Variants in GRM7 observed in about 807,000 individuals in gnomAD.
The protein encoded by GRM7 is metabotropic glutamate receptor 7.
Under a neutral mutation model 84.5 loss-of-function variants are expected in GRM7, and 35 were observed. That is an observed-to-expected ratio of 0.41 (90% CI 0.32 to 0.55). The LOEUF is 0.55. Ranked by LOEUF, GRM7 falls within the 20% of genes least tolerant of loss-of-function variation. The probability of loss-of-function intolerance (pLI) is 0.19; values close to 1 mark genes in which losing one functional copy is unlikely to be tolerated. For missense variants in GRM7, 1,003 were observed against 1,194.6 expected (o/e 0.84, Z 2.36); for synonymous variants, 487 against 455.1 (o/e 1.07, Z -0.89).
intron 2 of GRM7, among the ~76,000 whole-genome samples, chr3:7,257,184 C>G (rs1003015183): frequency 2.0e-5 from 3 of 152,084 alleles, no homozygotes; most frequent in Admixed American, 6.5e-5. Flanking sequence ...AGGTGAGGGA[C>G]CTTATAAGAA....
intron 5 of GRM7, among the ~76,000 whole-genome samples, chr3:7,442,032 G>C (rs1188688244): frequency 6.6e-6 from 1 of 151,948 alleles, no homozygotes; most frequent in Non-Finnish European, 1.5e-5. Context: ...GTAGTTGGTA[G>C]TTGGGTAGAA....
intron 1 of GRM7, among the ~76,000 whole-genome samples, chr3:7,120,117 C>T (rs1693168144): frequency 6.6e-6 from 1 of 151,992 alleles, no homozygotes; most frequent in South Asian, 2.1e-4. Context: ...AGACATTTGT[C>T]TTCAGGAGGA....
At chr3:7,068,584 T>C (rs373259378) in intron 1 of GRM7, among the ~76,000 whole-genome samples, 3 of 152,188 alleles carry the variant, frequency 2.0e-5, no homozygotes, top group African/African-American at 7.2e-5. Context: ...ACTGGAAATG[T>C]AATTTTTTGG....
At chr3:7,462,057 A>ATTCC (rs367872328) in intron 7 of GRM7, among the ~76,000 whole-genome samples, 133 of 151,904 alleles carry the variant, frequency 8.8e-4, no homozygotes, top group African/African-American at 3.0e-3. Context: ...GCCTCCCCCC[A>ATTCC]TTCCTTCCTT....
intron 1 of GRM7, among the ~76,000 whole-genome samples, chr3:7,066,341 TA>T: frequency 6.6e-6 from 1 of 151,818 alleles, no homozygotes; most frequent in East Asian, 1.9e-4. Flanking sequence ...AAACAGGAGA[TA>T]TTACAACTGA....
intron 1 of GRM7, among the ~76,000 whole-genome samples, chr3:6,904,194 C>T (rs1574995354): frequency 6.6e-6 from 1 of 152,048 alleles, no homozygotes; most frequent in Non-Finnish European, 1.5e-5. Flanking sequence ...TTATTCCTTA[C>T]TCTGAAATCA....
chr3:7,320,785 C>T (rs552724217), intron 4 of GRM7, among the ~76,000 whole-genome samples: 1 of 150,018 alleles, frequency 6.7e-6, no homozygotes, highest in African/African-American at 2.5e-5. Flanking sequence ...AATAGTAGTT[C>T]TTTTTATTGC....
At chr3:7,148,303 GATAAA>G (rs539880802) in intron 2 of GRM7, among the ~76,000 whole-genome samples, 472 of 152,282 alleles carry the variant, frequency 3.1e-3, no homozygotes, top group East Asian at 0.01. Flanking sequence ...GAATTGAATA[GATAAA>G]ATAAGATGAA....
chr3:7,640,342 G>A (rs1216277874), intron 8 of GRM7, among the ~76,000 whole-genome samples: 1 of 152,208 alleles, frequency 6.6e-6, no homozygotes, highest in Non-Finnish European at 1.5e-5. Context: ...GAAAGACAGT[G>A]CAATATCTAT....
chr3:7,612,421 CT>C (rs1353280407), intron 8 of GRM7, among the ~76,000 whole-genome samples: 1 of 152,128 alleles, frequency 6.6e-6, no homozygotes, highest in Non-Finnish European at 1.5e-5. Flanking sequence ...GAGTCCCTGC[CT>C]TTGAGGAGGA....
chr3:7,675,789 C>A (rs1198112945), intron 8 of GRM7, among the ~76,000 whole-genome samples: 3 of 152,110 alleles, frequency 2.0e-5, no homozygotes, highest in African/African-American at 7.2e-5. Flanking sequence ...GATCTAAACC[C>A]CAGAAACCTA....
At chr3:7,046,177 GTTCA>G (rs1019078493) in intron 1 of GRM7, among the ~76,000 whole-genome samples, 38 of 152,084 alleles carry the variant, frequency 2.5e-4, no homozygotes, top group African/African-American at 7.7e-4. Context: ...TGTGGGAAAT[GTTCA>G]TTCAGGTTCT....
chr3:7,656,962 T>G (rs1417606051), intron 8 of GRM7, among the ~76,000 whole-genome samples: 2 of 152,168 alleles, frequency 1.3e-5, no homozygotes, highest in African/African-American at 4.8e-5. Context: ...AACATAGTAT[T>G]TACTTTGAGT....
chr3:6,975,001 G>A (rs980359859), intron 1 of GRM7, among the ~76,000 whole-genome samples: 1 of 152,162 alleles, frequency 6.6e-6, no homozygotes, highest in Admixed American at 6.5e-5. Context: ...ATTCAGGAGA[G>A]ACTGGGCAGT....
At chr3:7,409,357 C>G (rs1188400093) in intron 4 of GRM7, among the ~76,000 whole-genome samples, 5 of 151,974 alleles carry the variant, frequency 3.3e-5, no homozygotes, top group African/African-American at 1.2e-4. Flanking sequence ...GTGAAAGCTT[C>G]AACTTTTCCT....
At chr3:7,522,194 A>G (rs1188469310) in intron 7 of GRM7, among the ~76,000 whole-genome samples, 1 of 152,182 alleles carries the variant, frequency 6.6e-6, no homozygotes. Flanking sequence ...TCATTGTAAC[A>G]TGACTGGACC....
chr3:6,896,414 G>C lies in GRM7; in HGVS notation c.519+34507G>C, dbSNP rs565752958. Among the ~76,000 whole-genome samples the C allele has an allele frequency of 2.0e-3, 303 of 152,218 alleles. 1 individual carries two copies. The highest frequency in any genetic ancestry group is 5.6e-3 in the Admixed American group (86 of 15,272). On this transcript the variant is annotated intron_variant, in intron 1 of 9. Transcript: ENST00000357716. Reference sequence around the variant, plus strand: ...CATTTGATTTTCAGGTGAAGTCTTAGGTCATTTGACTCCTGGATCACTTTC... The same window carrying C: ...CATTTGATTTTCAGGTGAAGTCTTACGTCATTTGACTCCTGGATCACTTTC...
At chr3:7,431,117 C>T (rs142718391) in intron 5 of GRM7, among the ~76,000 whole-genome samples, 9 of 152,180 alleles carry the variant, frequency 5.9e-5, no homozygotes, top group African/African-American at 1.9e-4. Context: ...GAAACTATGT[C>T]GGGCTAACTT....
Position 6,861,504 on chromosome 3 carries a change from C to T in GRM7, c.116C>T (p.Ala39Val), listed in dbSNP as rs1357088780. 7 of 1,579,350 alleles carry T rather than the reference C, an allele frequency of 4.4e-6. 1 individual carries two copies. Among genetic ancestry groups the T allele is most frequent in the South Asian group, 3.5e-5 (3 of 85,846 alleles). ...AAAARGQEMY[A>V]PHSIRIEGDV... ...GCGGCGCGCGGCCAGGAGATGTACGCCCCGCACTCAATCCGGATCGAGGGG... is the reference window on the plus strand; with the variant it reads ...GCGGCGCGCGGCCAGGAGATGTACGTCCCGCACTCAATCCGGATCGAGGGG... Residue 39 changes from alanine to valine, a missense_variant, in exon 1 of 10, where the codon GCC (alanine) becomes GTC (valine). Transcript: ENST00000357716. The surrounding 1 kb of genome is among the most constrained non-coding windows in gnomAD (Gnocchi z 6.4).
Sources: gnomAD v4.1 joint callset for allele counts (sites outside exome capture counted in the v4.1 genomes callset) on GRCh38, gnomAD v4.1.1 for gene constraint, Gnocchi (gnomAD v3.1) non-coding constraint, MANE v1.5 for transcripts, NCBI Gene and HGNC (gene_info 2026-07-23, HGNC 2026-07-21) for gene names.